The following FHIT variants were observed in gnomAD, a reference collection of about 807,000 sequenced individuals.
FHIT encodes the protein fragile histidine triad diadenosine triphosphatase, also known as bis(5'-adenosyl)-triphosphatase.
Under a neutral mutation model 17.9 loss-of-function variants are expected in FHIT, and 19 were observed. The observed-to-expected ratio is 1.06, with a 90% confidence interval of 0.74 to 1.56. The LOEUF (loss-of-function observed/expected upper bound fraction) is 1.56, where lower values mean the gene tolerates loss of function less well. FHIT is among the 40% of genes most tolerant of loss of function. The probability of loss-of-function intolerance (pLI) is 0.00; values close to 1 mark genes in which losing one functional copy is unlikely to be tolerated. For missense variants in FHIT, 248 were observed against 189.2 expected (o/e 1.31, Z -1.82); for synonymous variants, 81 against 69.7 (o/e 1.16, Z -0.81).
intron 3 of FHIT, among the ~76,000 whole-genome samples, chr3:60,874,357 C>T (rs577275499): frequency 6.6e-6 from 1 of 152,234 alleles, no homozygotes; most frequent in Non-Finnish European, 1.5e-5. Flanking sequence ...TTTTCTTGGT[C>T]TAAAGAGTCT....
At chr3:59,862,909 C>A (rs145063892) in intron 8 of FHIT, among the ~76,000 whole-genome samples, 11 of 152,064 alleles carry the variant, frequency 7.2e-5, no homozygotes. Flanking sequence ...CAAGGGGTGA[C>A]GGGGTAGGAT....
At chr3:60,449,427 TACACACACAC>T (rs140706888) in intron 5 of FHIT, among the ~76,000 whole-genome samples, 3 of 149,680 alleles carry the variant, frequency 2.0e-5, no homozygotes, top group Admixed American at 2.0e-4. Context: ...CATATGCGCA[TACACACACAC>T]ACACACACAC....
At chr3:60,029,168 T>C (rs1354857901) in intron 5 of FHIT, among the ~76,000 whole-genome samples, 1 of 152,242 alleles carries the variant, frequency 6.6e-6, no homozygotes, top group African/African-American at 2.4e-5. Flanking sequence ...TATACTCTGA[T>C]AACTTATAGA....
At chr3:61,211,514 G>T (rs1040679940) in intron 1 of FHIT, among the ~76,000 whole-genome samples, 1 of 152,208 alleles carries the variant, frequency 6.6e-6, no homozygotes, top group African/African-American at 2.4e-5. Flanking sequence ...GCATGAACTG[G>T]GTAGAGCCCA....
intron 5 of FHIT, among the ~76,000 whole-genome samples, chr3:60,525,712 C>G (rs896377963): frequency 6.6e-6 from 1 of 152,116 alleles, no homozygotes; most frequent in East Asian, 1.9e-4. Context: ...TGAGATGCAA[C>G]TTTTATTACT....
rs191710393 is a variant in FHIT at position 60,861,645 on chromosome 3, C to G, written c.-110-39634G>C. 5.3e-5 allele frequency among the ~76,000 whole-genome samples: 8 copies of G among 152,050 alleles called. No individual in the cohort carries two copies. The East Asian group carries it at 1.5e-3, about 29-fold the overall frequency. ...GTCTCTCATGTTCCCCTTGAAATCA[C>G]TGCAAAAGGACTCAAAGTTCCAAAA... On this transcript the variant is annotated intron_variant, in intron 3 of 9. Coordinates refer to ENST00000492590, the MANE Select transcript of FHIT (RefSeq NM_002012.4).
chr3:60,778,293 C>G, intron 4 of FHIT, among the ~76,000 whole-genome samples: 1 of 92,342 alleles, frequency 1.1e-5, no homozygotes, highest in East Asian at 3.2e-4. Flanking sequence ...TTGCTATTCA[C>G]AGACAATTGT....
intron 5 of FHIT, among the ~76,000 whole-genome samples, chr3:60,041,557 C>G (rs1701440394): frequency 6.6e-6 from 1 of 152,142 alleles, no homozygotes. Context: ...CAGAACATGC[C>G]TGCAACATAT....
intron 8 of FHIT, among the ~76,000 whole-genome samples, chr3:59,817,315 C>CA (rs1193742914): frequency 6.6e-6 from 1 of 152,088 alleles, no homozygotes; most frequent in Non-Finnish European, 1.5e-5. Context: ...AACATGCTCA[C>CA]ATGTTACATG....
At chr3:59,979,700 T>G (rs1046353660) in intron 7 of FHIT, among the ~76,000 whole-genome samples, 3 of 152,142 alleles carry the variant, frequency 2.0e-5, no homozygotes, top group South Asian at 2.1e-4. Flanking sequence ...GGGGCTGTGG[T>G]GCTTTACTGG....
At chr3:59,940,374 C>T (rs1199027219) in intron 7 of FHIT, among the ~76,000 whole-genome samples, 1 of 151,940 alleles carries the variant, frequency 6.6e-6, no homozygotes, top group African/African-American at 2.4e-5. Flanking sequence ...AGGACTTTAC[C>T]ATTGTTTTAA....
chr3:60,895,665 C>CCTTCCTTCCTTCCTTCCTTT (rs1351920997), intron 3 of FHIT, among the ~76,000 whole-genome samples: 1 of 106,972 alleles, frequency 9.3e-6, no homozygotes, highest in African/African-American at 3.8e-5. Flanking sequence ...TTCCTTCCTT[C>CCTTCCTTCCTTCCTTCCTTT]CTTTCTTTCT....
chr3:59,846,880 C>A (rs938997282), intron 8 of FHIT, among the ~76,000 whole-genome samples: 2 of 151,776 alleles, frequency 1.3e-5, no homozygotes, highest in African/African-American at 4.8e-5. Context: ...AGTTTTTTTT[C>A]TTTTACCACT....
At chr3:60,923,124 A>T (rs1553768813) in intron 3 of FHIT, among the ~76,000 whole-genome samples, 1 of 152,212 alleles carries the variant, frequency 6.6e-6, no homozygotes, top group Non-Finnish European at 1.5e-5. Context: ...TACAATCTGC[A>T]AGTGGTTTAT....
intron 2 of FHIT, among the ~76,000 whole-genome samples, chr3:61,045,617 C>T (rs1312523232): frequency 3.9e-5 from 6 of 152,192 alleles, no homozygotes; most frequent in African/African-American, 1.4e-4. Flanking sequence ...AGGAATAGAA[C>T]TCAGCTCTGA....
At chr3:60,560,806 C>A (rs1440874285) in intron 4 of FHIT, among the ~76,000 whole-genome samples, 1 of 44,124 alleles carries the variant, frequency 2.3e-5, no homozygotes, top group Non-Finnish European at 4.4e-5. Context: ...TAAGGAGACA[C>A]ACACACACAC....
intron 8 of FHIT, among the ~76,000 whole-genome samples, chr3:59,755,561 G>C (rs901470398): frequency 2.0e-5 from 3 of 152,198 alleles, no homozygotes; most frequent in Non-Finnish European, 2.9e-5. Context: ...AAGCCTTCTA[G>C]ATTACTTTGG....
At position 60,162,223 on chromosome 3, in the gene FHIT, T is replaced by G. The variant is rs771581261; in HGVS notation, c.104-148071A>C. ...AGGTTTCCAATAAAGGAGAGACCAT[T>G]TTCAATATTTTTTAAAATTTTGTTG... On this transcript the variant is annotated intron_variant, in intron 5 of 9. Transcript: ENST00000492590. Among the ~76,000 whole-genome samples the G allele has an allele frequency of 7.2e-5, 11 of 152,298 alleles. No individual in the cohort carries two copies. In the South Asian group the frequency reaches 2.3e-3, roughly 32 times the overall value.
At chr3:59,935,001 A>G (rs564965562) in intron 7 of FHIT, among the ~76,000 whole-genome samples, 4 of 152,286 alleles carry the variant, frequency 2.6e-5, no homozygotes, top group South Asian at 4.1e-4. Flanking sequence ...CTATAAAACC[A>G]GGATAACTCC....
Sources: gnomAD v4.1 joint callset for allele counts (sites outside exome capture counted in the v4.1 genomes callset) on GRCh38, gnomAD v4.1.1 for gene constraint, MANE v1.5 for transcripts, NCBI Gene and HGNC (gene_info 2026-07-23, HGNC 2026-07-21) for gene names.